ATP8B1: variants seen among roughly 807,000 people sequenced by gnomAD.
The protein encoded by ATP8B1 is ATPase phospholipid transporting 8B1.
A neutral mutation model predicts 149.9 loss-of-function variants in ATP8B1; 80 were observed. That is an observed-to-expected ratio of 0.53 (90% CI 0.45 to 0.64). The LOEUF (loss-of-function observed/expected upper bound fraction) is 0.64, where lower values mean the gene tolerates loss of function less well. Ranked by LOEUF, ATP8B1 falls within the 30% of genes least tolerant of loss-of-function variation. ATP8B1 has a pLI of 0.00. For synonymous variants in ATP8B1, 536 were observed against 562.8 expected, an observed-to-expected ratio of 0.95 and a Z score of 0.67; for missense variants, 1,247 against 1,552.6, an observed-to-expected ratio of 0.80 and a Z score of 3.31.
chr18:57,789,674 GGT>G (rs2080442578), intron 1 of ATP8B1, among the ~76,000 whole-genome samples: 1 of 152,154 alleles, frequency 6.6e-6, no homozygotes, highest in Non-Finnish European at 1.5e-5. Flanking sequence ...AGCCATGTAT[GGT>G]GGTCTTGTCC....
At chr18:57,792,620 A>T (rs1053925459) in intron 1 of ATP8B1, among the ~76,000 whole-genome samples, 2 of 152,172 alleles carry the variant, frequency 1.3e-5, no homozygotes, top group Non-Finnish European at 2.9e-5. Flanking sequence ...GGCAGAGCTA[A>T]AAGGTACAGG....
intron 2 of ATP8B1, among the ~76,000 whole-genome samples, chr18:57,730,834 T>TATATATAC (rs1432346014): frequency 2.7e-3 from 2 of 754 alleles, no homozygotes; most frequent in African/African-American, 6.1e-3. Context: ...TATATATATA[T>TATATATAC]ACACACACAC....
intron 1 of ATP8B1, among the ~76,000 whole-genome samples, chr18:57,756,192 C>CAT (rs147263393): frequency 0.17 from 14,205 of 84,458 alleles, 2,440 homozygotes; most frequent in East Asian, 0.66. Flanking sequence ...ATTTCCACAA[C>CAT]ATATATATAT....
At chr18:57,671,910 C>T (rs1233791081) in intron 16 of ATP8B1, among the ~76,000 whole-genome samples, 2 of 152,166 alleles carry the variant, frequency 1.3e-5, no homozygotes, top group East Asian at 1.9e-4. Flanking sequence ...ATGTGAGTTA[C>T]CACACCCAGC....
chr18:57,799,704 CAAAAA>C (rs4059219), intron 1 of ATP8B1, among the ~76,000 whole-genome samples: 20 of 111,008 alleles, frequency 1.8e-4, no homozygotes, highest in African/African-American at 5.3e-4. Flanking sequence ...GACTCTGTCT[CAAAAA>C]AAAAAAAAAA....
At chr18:57,740,167 T>G (rs1205825724) in intron 1 of ATP8B1, among the ~76,000 whole-genome samples, 1 of 152,000 alleles carries the variant, frequency 6.6e-6, no homozygotes, top group African/African-American at 2.4e-5. Context: ...CTCAGCTCAC[T>G]GCAACCTTCG....
chr18:57,754,763 G>A (rs2080061799), intron 1 of ATP8B1, among the ~76,000 whole-genome samples: 2 of 152,148 alleles, frequency 1.3e-5, no homozygotes, highest in Admixed American at 6.6e-5. Flanking sequence ...AATAGCAAGG[G>A]AAATACCTAA....
At position 57,648,499 on chromosome 18, in the gene ATP8B1, C is replaced by T. The variant is rs575368517; in HGVS notation, c.3745G>A (p.Gly1249Arg). Residue 1249 changes from glycine (G) to arginine (R), a missense_variant, in exon 28 of 28, where the codon GGG becomes AGG. This residue lies in a region of ATP8B1 where 164 missense variants were observed against 160.3 expected (regional missense o/e 1.02). Transcript: ENST00000648908. ...ADGTAEYRRT[G>R]DS is the part of the protein sequence containing the mutation. The stretch of plus-strand genomic sequence containing the variant: ...CTGGGGGTAAGGGATCAGCTGTCCC[C>T]GGTGCGCCTGTACTCCGCGGTGCCA... The T allele has an allele frequency of 3.7e-6, 6 of 1,611,128 alleles. No individual in the cohort carries two copies. The highest frequency in any genetic ancestry group is 5.1e-6 in the Non-Finnish European group (6 of 1,179,996).
At chr18:57,710,902 C>T (rs968692736) in intron 2 of ATP8B1, among the ~76,000 whole-genome samples, 3 of 152,092 alleles carry the variant, frequency 2.0e-5, no homozygotes, top group Non-Finnish European at 2.9e-5. Context: ...CCCAAAGTGC[C>T]GGGATAATGG....
At chr18:57,756,305 A>ATACATATATATATATATATATATG (rs1555653785) in intron 1 of ATP8B1, among the ~76,000 whole-genome samples, 3 of 106,122 alleles carry the variant, frequency 2.8e-5, no homozygotes, top group African/African-American at 8.4e-5. Flanking sequence ...GTGTATGTAT[A>ATACATATATATATATATATATATG]TATATATATA....
chr18:57,736,458 T>G (rs1051135725), intron 1 of ATP8B1, among the ~76,000 whole-genome samples: 1 of 110,088 alleles, frequency 9.1e-6, no homozygotes, highest in Non-Finnish European at 2.1e-5. Context: ...TACTAGTTTT[T>G]TTTTTTTTTT....
At chr18:57,751,740 T>G (rs573788912) in intron 1 of ATP8B1, among the ~76,000 whole-genome samples, 7 of 152,328 alleles carry the variant, frequency 4.6e-5, no homozygotes, top group African/African-American at 1.7e-4. Flanking sequence ...AGCCACCTTC[T>G]GCTCCCTCAC....
chr18:57,777,350 A>G (rs1328230592), intron 1 of ATP8B1, among the ~76,000 whole-genome samples: 1 of 152,164 alleles, frequency 6.6e-6, no homozygotes, highest in Admixed American at 6.5e-5. Context: ...TAAGATTTCA[A>G]TCTGTTATAT....
rs1319547393 is a variant in ATP8B1 at position 57,676,675 on chromosome 18, C to T, written c.1631-1653G>A. Reference sequence around the variant, plus strand: ...TGGAGGTTGCAGTGAGCCGAGATCTCGCCACTGCACTCCACCCTGGTGACA... The same window carrying T: ...TGGAGGTTGCAGTGAGCCGAGATCTTGCCACTGCACTCCACCCTGGTGACA... On this transcript the variant is annotated intron_variant, in intron 15 of 27. Coordinates refer to ENST00000648908, the MANE Select transcript of ATP8B1 (RefSeq NM_001374385.1). Among the ~76,000 whole-genome samples the T allele has an allele frequency of 2.9e-5, 4 of 136,328 alleles. No individual in the cohort carries two copies. The East Asian group carries it at 6.5e-4, about 22-fold the overall frequency. 89.4% of individuals were successfully genotyped at this position (136,328 alleles called of 152,430 possible). A position where few individuals can be genotyped will look rare whatever the true frequency, so the allele number is the denominator to read the frequency against.
chr18:57,790,408 G>C (rs572214467), intron 1 of ATP8B1, among the ~76,000 whole-genome samples: 3 of 150,408 alleles, frequency 2.0e-5, no homozygotes, highest in Admixed American at 1.3e-4. Context: ...GCTTAAAAAT[G>C]TTAGTGACTT....
intron 1 of ATP8B1, among the ~76,000 whole-genome samples, chr18:57,741,433 G>A (rs2079912868): frequency 6.6e-6 from 1 of 152,200 alleles, no homozygotes; most frequent in Non-Finnish European, 1.5e-5. Context: ...AGGGACTGGA[G>A]CCCTCAGTCC....
At chr18:57,659,919 C>CATG (rs1448651837) in intron 22 of ATP8B1, 2 of 152,156 alleles carry the variant, frequency 1.3e-5, no homozygotes, top group African/African-American at 4.8e-5. Flanking sequence ...CATGCAATTA[C>CATG]CTATGTACAG....
intron 15 of ATP8B1, among the ~76,000 whole-genome samples, chr18:57,683,204 A>G (rs1484518932): frequency 1.3e-5 from 2 of 152,212 alleles, no homozygotes; most frequent in Admixed American, 1.3e-4. Flanking sequence ...AAGGTTGAGA[A>G]AAGAGAGGGA....
chr18:57,679,472 C>T (rs1911814342), intron 15 of ATP8B1, among the ~76,000 whole-genome samples: 1 of 152,060 alleles, frequency 6.6e-6, no homozygotes, highest in African/African-American at 2.4e-5. Context: ...CATTTAGAGG[C>T]AACCAGAAAG....
Sources: allele counts gnomAD v4.1 joint callset (sites outside exome capture counted in the v4.1 genomes callset), GRCh38; gene constraint gnomAD v4.1.1; regional missense constraint gnomAD v4.1.1; transcripts MANE v1.5; gene names NCBI Gene and HGNC (gene_info 2026-07-23, HGNC 2026-07-21).